CNTN5: variants seen among roughly 807,000 people sequenced by gnomAD.
The protein encoded by CNTN5 is contactin-5.
In CNTN5, 77 loss-of-function variants were observed where a neutral mutation model predicts 129.1. The observed-to-expected ratio is 0.60, with a 90% CI of 0.50 to 0.72. CNTN5 has a LOEUF of 0.72. Among genes scored for constraint, CNTN5 ranks in the 30% least tolerant of loss-of-function variants. The pLI is 0.00. For missense variants in CNTN5, 1,478 were observed against 1,328.8 expected, an observed-to-expected ratio of 1.11 and a Z score of -1.75; for synonymous variants, 509 against 465.6, an observed-to-expected ratio of 1.09 and a Z score of -1.20.
chr11:99,899,523 A>G (rs1257639873), intron 6 of CNTN5, among the ~76,000 whole-genome samples: 1 of 152,028 alleles, frequency 6.6e-6, no homozygotes, highest in Non-Finnish European at 1.5e-5. Flanking sequence ...GTGGTGGATC[A>G]TGTTTATTGA....
At chr11:99,208,213 TTTCA>T (rs1450179088) in intron 1 of CNTN5, among the ~76,000 whole-genome samples, 1 of 152,162 alleles carries the variant, frequency 6.6e-6, no homozygotes, top group Admixed American at 6.5e-5. Flanking sequence ...TTCAAATGAT[TTTCA>T]TTCTATATTG....
chr11:99,867,831 T>C (rs1361198814), intron 6 of CNTN5, among the ~76,000 whole-genome samples: 1 of 152,182 alleles, frequency 6.6e-6, no homozygotes, highest in Non-Finnish European at 1.5e-5. Flanking sequence ...GTGGACAACG[T>C]TGAATTGTTT....
At chr11:100,199,842 A>G (rs1031024812) in intron 15 of CNTN5, among the ~76,000 whole-genome samples, 2 of 151,978 alleles carry the variant, frequency 1.3e-5, no homozygotes, top group East Asian at 3.9e-4. Flanking sequence ...AGGGCTAATA[A>G]GTAATTTTAT....
intron 7 of CNTN5, among the ~76,000 whole-genome samples, chr11:99,945,731 T>G (rs1950541169): frequency 6.6e-6 from 1 of 151,962 alleles, no homozygotes; most frequent in South Asian, 2.1e-4. Context: ...TTCAAGCACG[T>G]TTTTGCATTG....
At chr11:100,038,971 T>C (rs1240747118) in intron 9 of CNTN5, among the ~76,000 whole-genome samples, 1 of 152,158 alleles carries the variant, frequency 6.6e-6, no homozygotes, top group East Asian at 1.9e-4. Flanking sequence ...CATTTACATT[T>C]AAGGTTAATA....
chr11:100,268,507 C>G (rs1263220134), intron 17 of CNTN5, among the ~76,000 whole-genome samples: 5 of 152,004 alleles, frequency 3.3e-5, no homozygotes, highest in African/African-American at 1.2e-4. Flanking sequence ...TAAAGCCTAT[C>G]AAAGAAAAGG....
In CNTN5 at chr11:100,193,606, G is replaced by A. The variant is rs558481129; in HGVS notation, c.1827G>A (p.Leu609=). 9 of 1,612,256 alleles carry A rather than the reference G, an allele frequency of 5.6e-6. No homozygotes were observed. The Admixed American group carries it at 8.4e-5, about 15-fold the overall frequency. ...ASLDVTFYWT[L]KGQPIDFEEE... is the part of the protein sequence containing the mutation. ...TGGATGTCACTTTCTACTGGACTCTGAAAGGACAGCCTATTGATTTCGAGG... is the reference window on the plus strand; with the variant it reads ...TGGATGTCACTTTCTACTGGACTCTAAAAGGACAGCCTATTGATTTCGAGG... The change falls in exon 15 of 25, where the codon CTG becomes CTA. Residue 609 remains leucine (L), a synonymous_variant. Coordinates refer to ENST00000524871, the MANE Select transcript of CNTN5 (RefSeq NM_014361.4).
intron 17 of CNTN5, among the ~76,000 whole-genome samples, chr11:100,270,309 AC>A (rs1349796761): frequency 6.6e-6 from 1 of 152,170 alleles, no homozygotes; most frequent in Admixed American, 6.5e-5. Flanking sequence ...AAAATCCCCA[AC>A]TCCCACCCCG....
At chr11:99,833,191 A>G (rs1947200515) in intron 4 of CNTN5, among the ~76,000 whole-genome samples, 1 of 152,186 alleles carries the variant, frequency 6.6e-6, no homozygotes, top group African/African-American at 2.4e-5. Flanking sequence ...TAAAGTTAGT[A>G]TCTGGGTAGC....
At chr11:100,110,931 C>A (rs1480999687) in intron 13 of CNTN5, among the ~76,000 whole-genome samples, 2 of 151,728 alleles carry the variant, frequency 1.3e-5, no homozygotes, top group African/African-American at 2.4e-5. Context: ...ATAGTGCAGT[C>A]CATTGAGTAT....
chr11:99,733,532 C>T (rs922408915), intron 3 of CNTN5, among the ~76,000 whole-genome samples: 21 of 151,984 alleles, frequency 1.4e-4, no homozygotes, highest in African/African-American at 4.4e-4. Flanking sequence ...TAACTTTGCC[C>T]TCTTCAACCA....
At chr11:99,760,383 G>A (rs1036425192) in intron 3 of CNTN5, among the ~76,000 whole-genome samples, 2 of 152,070 alleles carry the variant, frequency 1.3e-5, no homozygotes, top group Non-Finnish European at 2.9e-5. Context: ...TCTATATGGT[G>A]ACTTCAGAGA....
intron 2 of CNTN5, among the ~76,000 whole-genome samples, chr11:99,422,518 T>TATATATA (rs1565569181): frequency 4.4e-4 from 37 of 83,350 alleles, no homozygotes; most frequent in Non-Finnish European, 7.6e-4. Context: ...CTTTATATTT[T>TATATATA]TATATATATA....
At chr11:99,890,225 A>T (rs977138399) in intron 6 of CNTN5, among the ~76,000 whole-genome samples, 1 of 152,224 alleles carries the variant, frequency 6.6e-6, no homozygotes, top group Non-Finnish European at 1.5e-5. Flanking sequence ...GGATATGTCA[A>T]CAGGAGCCAA....
chr11:99,750,073 A>C (rs1944181314), intron 3 of CNTN5, among the ~76,000 whole-genome samples: 1 of 152,200 alleles, frequency 6.6e-6, no homozygotes. Flanking sequence ...CTGTGGATTG[A>C]TATATGAGAG....
chr11:99,396,044 A>G (rs531475273), intron 2 of CNTN5, among the ~76,000 whole-genome samples: 222 of 151,886 alleles, frequency 1.5e-3, no homozygotes, highest in Middle Eastern at 6.8e-3. Context: ...TTGGTTATAT[A>G]TGAATTTTAA....
At chr11:99,345,444 C>T (rs1282483632) in intron 2 of CNTN5, among the ~76,000 whole-genome samples, 1 of 152,010 alleles carries the variant, frequency 6.6e-6, no homozygotes, top group Non-Finnish European at 1.5e-5. Context: ...TAAATATATC[C>T]AAACCAAAAC....
chr11:100,003,860 C>T (rs1940032084), intron 9 of CNTN5: 1 of 152,170 alleles, frequency 6.6e-6, no homozygotes, highest in African/African-American at 2.4e-5. Flanking sequence ...CTCTGTTTAT[C>T]ACTTGGTGTC....
At chr11:99,553,269 C>G (rs1051364059) in intron 2 of CNTN5, among the ~76,000 whole-genome samples, 1 of 152,092 alleles carries the variant, frequency 6.6e-6, no homozygotes, top group African/African-American at 2.4e-5. Flanking sequence ...CAATGCACAG[C>G]AGTTTAATGT....
Sources: gnomAD v4.1 joint callset for allele counts (sites outside exome capture counted in the v4.1 genomes callset) on GRCh38, gnomAD v4.1.1 for gene constraint, MANE v1.5 for transcripts, NCBI Gene and HGNC (gene_info 2026-07-23, HGNC 2026-07-21) for gene names.